The following COX10 variants were observed in gnomAD, a reference collection of about 807,000 sequenced individuals.
COX10 encodes cytochrome c oxidase assembly factor heme A:farnesyltransferase COX10, also known as protoheme IX farnesyltransferase, mitochondrial.
In COX10, 27 loss-of-function variants were observed where a neutral mutation model predicts 37.3. The ratio of observed to expected loss-of-function variants is 0.72; its 90% confidence interval spans 0.53 to 1.00. The LOEUF (loss-of-function observed/expected upper bound fraction) is 1.00, where lower values mean the gene tolerates loss of function less well. Among genes scored for constraint, COX10 ranks in the 50% least tolerant of loss-of-function variants. The pLI, the probability that COX10 is intolerant of heterozygous loss-of-function variation, is 0.00. For synonymous variants in COX10, 222 were observed against 229.1 expected, an observed-to-expected ratio of 0.97 and a Z score of 0.28; for missense variants, 475 against 563.2, an observed-to-expected ratio of 0.84 and a Z score of 1.59.
chr17:14,095,067 C>T (rs1055177769), intron 3 of COX10, among the ~76,000 whole-genome samples: 2 of 152,134 alleles, frequency 1.3e-5, no homozygotes, highest in African/African-American at 4.8e-5. Context: ...AAGTATTTCA[C>T]GGAAGTTGAT....
chr17:14,139,457 T>C (rs1278785372), intron 4 of COX10, among the ~76,000 whole-genome samples: 1 of 152,142 alleles, frequency 6.6e-6, no homozygotes. Flanking sequence ...TAGCTGAGAA[T>C]ATATACTACT....
intron 2 of COX10, 39 bp downstream of exon 2, chr17:14,074,495 C>CTTTT: frequency 1.0e-6 from 1 of 1,003,864 alleles, no homozygotes; most frequent in Non-Finnish European, 1.4e-6. Flanking sequence ...TTACTTTCTG[C>CTTTT]CTTTTTCTCT....
intron 4 of COX10, among the ~76,000 whole-genome samples, chr17:14,117,146 T>A (rs900221197): frequency 3.3e-5 from 5 of 152,238 alleles, no homozygotes; most frequent in Admixed American, 6.5e-5. Context: ...AGATATTTTA[T>A]TTTTAAAGAA....
chr17:14,112,896 C>G (rs773595710), intron 4 of COX10, among the ~76,000 whole-genome samples: 2 of 152,112 alleles, frequency 1.3e-5, no homozygotes, highest in Non-Finnish European at 2.9e-5. Flanking sequence ...GCTAAAGAAG[C>G]AGGAGGGCAG....
intron 5 of COX10, among the ~76,000 whole-genome samples, chr17:14,181,207 G>C (rs1567609332): frequency 6.6e-6 from 1 of 152,148 alleles, no homozygotes; most frequent in African/African-American, 2.4e-5. Context: ...GGGGGCAAGG[G>C]GGTCAATTCT....
rs1914962438 is a variant in COX10 at position 14,069,587 on chromosome 17, G to C, written c.-19G>C. On this transcript the variant is annotated 5_prime_UTR_variant, in exon 1 of 7. Transcript: ENST00000261643. Reference sequence around the variant, plus strand: ...AGAGGACACAGGGATCCCGGGGAGCGGCCCCAGACTCGTAAATTATGGCCG... The same window carrying C: ...AGAGGACACAGGGATCCCGGGGAGCCGCCCCAGACTCGTAAATTATGGCCG... 6.2e-7 allele frequency: 1 copy of C among 1,613,790 alleles called. No homozygotes were observed. Among genetic ancestry groups the C allele is most frequent in the Non-Finnish European group, 8.5e-7 (1 of 1,179,972 alleles).
At chr17:14,179,675 G>A (rs1905796209) in intron 5 of COX10, among the ~76,000 whole-genome samples, 1 of 152,122 alleles carries the variant, frequency 6.6e-6, no homozygotes, top group Non-Finnish European at 1.5e-5. Flanking sequence ...CTTTCTTCTT[G>A]TTATTTCAGA....
At chr17:14,151,248 A>G (rs992632379) in intron 4 of COX10, among the ~76,000 whole-genome samples, 2 of 152,200 alleles carry the variant, frequency 1.3e-5, no homozygotes, top group African/African-American at 4.8e-5. Context: ...AACAGAATCA[A>G]GTAGCAGCAT....
chr17:14,131,851 G>A (rs997976358), intron 4 of COX10, among the ~76,000 whole-genome samples: 1 of 151,920 alleles, frequency 6.6e-6, no homozygotes, highest in Non-Finnish European at 1.5e-5. Flanking sequence ...AGATTCTGAA[G>A]CCTAAATCAG....
At chr17:14,112,026 A>G (rs1371700541) in intron 4 of COX10, among the ~76,000 whole-genome samples, 1 of 152,184 alleles carries the variant, frequency 6.6e-6, no homozygotes, top group African/African-American at 2.4e-5. Context: ...CATGATTTTC[A>G]CTTACTCTGA....
intron 4 of COX10, among the ~76,000 whole-genome samples, chr17:14,105,617 A>G (rs1454737027): frequency 6.6e-6 from 1 of 152,196 alleles, no homozygotes; most frequent in Non-Finnish European, 1.5e-5. Flanking sequence ...TTAGAAGGCA[A>G]CATTTAAAAC....
intron 4 of COX10, among the ~76,000 whole-genome samples, chr17:14,120,608 A>T (rs982223878): frequency 2.6e-5 from 4 of 152,140 alleles, no homozygotes; most frequent in Admixed American, 2.0e-4. Context: ...GGTCTGTTGG[A>T]TGGGGAAGCC....
intron 1 of COX10, among the ~76,000 whole-genome samples, 160 bp from the exon 2 acceptor site, chr17:14,074,163 A>G (rs956875700): frequency 2.0e-5 from 3 of 152,316 alleles, no homozygotes; most frequent in African/African-American, 7.2e-5. Context: ...GGTAAATTGC[A>G]TTTATTCACA....
At chr17:14,113,902 T>C (rs1916056713) in intron 4 of COX10, among the ~76,000 whole-genome samples, 1 of 152,124 alleles carries the variant, frequency 6.6e-6, no homozygotes, top group Non-Finnish European at 1.5e-5. Context: ...ACAATAAAAA[T>C]TCCAGCCTGC....
At chr17:14,146,065 A>T (rs1006197888) in intron 4 of COX10, among the ~76,000 whole-genome samples, 2 of 151,884 alleles carry the variant, frequency 1.3e-5, no homozygotes, top group Non-Finnish European at 2.9e-5. Flanking sequence ...TTTTTTCCTG[A>T]CTAGAAAATA....
At chr17:14,121,902 A>G (rs1372102516) in intron 4 of COX10, among the ~76,000 whole-genome samples, 1 of 152,114 alleles carries the variant, frequency 6.6e-6, no homozygotes, top group Non-Finnish European at 1.5e-5. Flanking sequence ...ACCTGAGCCC[A>G]GAGAGGGAAG....
At chr17:14,127,258 T>A (rs940950773) in intron 4 of COX10, among the ~76,000 whole-genome samples, 5 of 152,186 alleles carry the variant, frequency 3.3e-5, no homozygotes, top group African/African-American at 1.2e-4. Flanking sequence ...TAGATTATTG[T>A]TAGAAGAATA....
At chr17:14,078,406 G>A (rs549030809) in intron 3 of COX10, among the ~76,000 whole-genome samples, 6 of 152,236 alleles carry the variant, frequency 3.9e-5, no homozygotes, top group South Asian at 2.1e-4. Flanking sequence ...ATTAGCTCTC[G>A]TCTCTTGTTG....
At chr17:14,125,529 A>T (rs779374657) in intron 4 of COX10, among the ~76,000 whole-genome samples, 7 of 152,190 alleles carry the variant, frequency 4.6e-5, no homozygotes, top group Non-Finnish European at 7.3e-5. Context: ...CTCTTTTGGG[A>T]GGCAAATACA....
Sources: allele counts gnomAD v4.1 joint callset (sites outside exome capture counted in the v4.1 genomes callset), GRCh38; gene constraint gnomAD v4.1.1; transcripts MANE v1.5; gene names NCBI Gene and HGNC (gene_info 2026-07-23, HGNC 2026-07-21).